Variants in ADNP observed in about 807,000 individuals in gnomAD.
ADNP encodes activity-dependent neuroprotector homeobox protein.
A neutral mutation model predicts 84.9 loss-of-function variants in ADNP; 4 were observed. That is an observed-to-expected ratio of 0.05 (90% CI 0.02 to 0.11). The LOEUF (loss-of-function observed/expected upper bound fraction) is 0.11, where lower values mean the gene tolerates loss of function less well. Ranked by LOEUF, ADNP falls within the 10% of genes least tolerant of loss-of-function variation. The probability of loss-of-function intolerance (pLI) is 1.00; values close to 1 mark genes in which losing one functional copy is unlikely to be tolerated. For synonymous variants in ADNP, 554 were observed against 468.1 expected (o/e 1.18, Z -2.37); for missense variants, 1,132 against 1,326.0 (o/e 0.85, Z 2.27).
chr20:50,906,759 A>T (rs893029855), intron 2 of ADNP, among the ~76,000 whole-genome samples: 1 of 152,184 alleles, frequency 6.6e-6, no homozygotes, highest in Non-Finnish European at 1.5e-5. Context: ...AAGGGAACTT[A>T]GTTGTAAGAA....
chr20:50,920,041 G>GGC (rs1983838783), intron 2 of ADNP, among the ~76,000 whole-genome samples: 2 of 151,838 alleles, frequency 1.3e-5, no homozygotes, highest in Admixed American at 1.3e-4. Context: ...CACTTTGGGA[G>GGC]GCCAAGATGG....
At chr20:50,894,876 G>T (rs60939757) in intron 5 of ADNP, among the ~76,000 whole-genome samples, 3 of 152,030 alleles carry the variant, frequency 2.0e-5, no homozygotes, top group Non-Finnish European at 4.4e-5. Flanking sequence ...CAGCCTGGGC[G>T]ACAAGAGCGA....
chr20:50,894,307 G>A lies in ADNP; in HGVS notation c.407C>T (p.Pro136Leu), dbSNP rs767580124. ...KIFHAPNASA[P>L]SSSLSTFKDK... is the part of the protein sequence containing the mutation. The stretch of plus-strand genomic sequence containing the variant: ...TTTGAAAGTGCTGAGGCTGCTACTT[G>A]GTGCGCTGGCGTTCGGAGCATGAAA... The change falls in exon 6 of 6, where the codon CCA (proline) becomes CTA (leucine). Residue 136 changes from proline (P) to leucine (L), a missense_variant. Coordinates refer to ENST00000621696, the MANE Select transcript of ADNP (RefSeq NM_001282531.3). The A allele has an allele frequency of 1.2e-6, 2 of 1,613,526 alleles. No homozygotes were observed. Among genetic ancestry groups the A allele is most frequent in the Non-Finnish European group, 1.7e-6 (2 of 1,179,876 alleles).
chr20:50,912,937 C>G (rs1983176469), intron 2 of ADNP, among the ~76,000 whole-genome samples: 1 of 151,934 alleles, frequency 6.6e-6, no homozygotes, highest in Non-Finnish European at 1.5e-5. Context: ...CTAGGAATGA[C>G]GCTATTACTA....
chr20:50,906,970 T>G (rs565755273), intron 2 of ADNP, among the ~76,000 whole-genome samples: 1 of 94,006 alleles, frequency 1.1e-5, no homozygotes, highest in East Asian at 3.4e-4. Context: ...CCAGTTTTTT[T>G]TTTTTGTTTT....
chr20:50,918,814 G>GT (rs1487758495), intron 2 of ADNP, among the ~76,000 whole-genome samples: 1 of 152,180 alleles, frequency 6.6e-6, no homozygotes, highest in Non-Finnish European at 1.5e-5. Flanking sequence ...CTTTTGAAAG[G>GT]TAACAGAATG....
chr20:50,900,602 C>T (rs7262676), intron 5 of ADNP, among the ~76,000 whole-genome samples: 4,690 of 152,224 alleles, frequency 0.031, 235 homozygotes, highest in African/African-American at 0.11. Flanking sequence ...TCTTATGGGA[C>T]CACTGTCGTA....
chr20:50,912,397 G>T (rs1257769781), intron 2 of ADNP, among the ~76,000 whole-genome samples: 1 of 152,126 alleles, frequency 6.6e-6, no homozygotes, highest in East Asian at 1.9e-4. Flanking sequence ...TGATCTGCCT[G>T]TCTTGGCCTC....
rs959185101 is a variant in ADNP at position 50,888,992 on chromosome 20, C to T, written c.*2413G>A. ...GGCATTCTCTAATTAGGTGGCAGCA[C>T]GTTGCCATAGCCAACGATCTCCAGA... On this transcript the variant is annotated 3_prime_UTR_variant, in exon 6 of 6. Coordinates refer to ENST00000621696, the MANE Select transcript of ADNP (RefSeq NM_001282531.3). 2.0e-5 allele frequency: 3 copies of T among 152,170 alleles called. No individual in the cohort carries two copies. The highest frequency in any genetic ancestry group is 2.9e-5 in the Non-Finnish European group (2 of 68,048). The allele number at this position is 152,170 out of a possible 1,614,324, so 9.4% of individuals were successfully genotyped here.
At chr20:50,925,893 C>T (rs1372882325) in intron 2 of ADNP, among the ~76,000 whole-genome samples, 1 of 152,202 alleles carries the variant, frequency 6.6e-6, no homozygotes, top group African/African-American at 2.4e-5. Flanking sequence ...CTGAGGTCAG[C>T]AGTTCAAGAC....
Position 50,889,215 on chromosome 20 carries a change from T to A in ADNP, c.*2190A>T, listed in dbSNP as rs1016459553. The A allele has an allele frequency of 6.6e-6, 1 of 152,286 alleles. No individual in the cohort carries two copies. The highest frequency in any genetic ancestry group is 1.9e-4 in the East Asian group (1 of 5,180). 9.4% of individuals were successfully genotyped at this position (152,286 alleles called of 1,614,324 possible). On this transcript the variant is annotated 3_prime_UTR_variant, in exon 6 of 6. Transcript: ENST00000621696. ...ACACTTATCTGTGTCTGTTCCGATATCCAACTGGGACCTGGACCCCAAGCC... is the reference window on the plus strand; with the variant it reads ...ACACTTATCTGTGTCTGTTCCGATAACCAACTGGGACCTGGACCCCAAGCC...
At chr20:50,910,712 T>C (rs1027034212) in intron 2 of ADNP, among the ~76,000 whole-genome samples, 1 of 152,144 alleles carries the variant, frequency 6.6e-6, no homozygotes. Flanking sequence ...TGGAGTGCAG[T>C]GGTATGATCA....
intron 1 of ADNP, 96 bp from the exon 2 acceptor site, chr20:50,928,921 G>A (rs1489979903): frequency 2.6e-5 from 4 of 152,232 alleles, no homozygotes; most frequent in Non-Finnish European, 4.4e-5. Context: ...TTTTGTAAAG[G>A]TGGTTGGCTG....
At chr20:50,922,167 T>C (rs1297056943) in intron 2 of ADNP, among the ~76,000 whole-genome samples, 1 of 152,202 alleles carries the variant, frequency 6.6e-6, no homozygotes, top group Non-Finnish European at 1.5e-5. Context: ...AGTCGTGAAG[T>C]TGTCTTCTGT....
At chr20:50,925,025 T>C (rs1436701689) in intron 2 of ADNP, among the ~76,000 whole-genome samples, 2 of 152,166 alleles carry the variant, frequency 1.3e-5, no homozygotes, top group Non-Finnish European at 2.9e-5. Context: ...TTCCAGGCTT[T>C]CTCTAGCTGC....
In ADNP at chr20:50,919,289, GTGTATATATATA is replaced by G. The variant is rs1227399874; in HGVS notation, c.-90+9350_-90+9361del. ...AGCCTGAAAAAATACATATATTTAA[GTGTATATATATA>G]TATATATATATATATGTAAAAAGCC... On this transcript the variant is annotated intron_variant, in intron 2 of 5. Coordinates refer to ENST00000621696, the MANE Select transcript of ADNP (RefSeq NM_001282531.3). Among the ~76,000 whole-genome samples the G allele has an allele frequency of 5.4e-4, 35 of 64,694 alleles. 1 individual carries two copies. Among genetic ancestry groups the G allele is most frequent in the African/African-American group, 1.9e-3 (34 of 18,154 alleles). The allele number at this position is 64,694 out of a possible 152,430, so 42.4% of individuals were successfully genotyped here.
intron 2 of ADNP, among the ~76,000 whole-genome samples, chr20:50,922,829 C>T (rs973099093): frequency 6.6e-6 from 1 of 152,034 alleles, no homozygotes; most frequent in Non-Finnish European, 1.5e-5. Flanking sequence ...GATTTGCTCG[C>T]CCCCAGCCTC....
chr20:50,895,419 G>A (rs1293419564), intron 5 of ADNP, among the ~76,000 whole-genome samples: 1 of 152,172 alleles, frequency 6.6e-6, no homozygotes, highest in Non-Finnish European at 1.5e-5. Context: ...AAAATACAAT[G>A]TAAAAGATAA....
intron 2 of ADNP, among the ~76,000 whole-genome samples, chr20:50,919,365 G>T (rs1983779801): frequency 1.3e-5 from 2 of 150,190 alleles, no homozygotes; most frequent in Admixed American, 6.6e-5. Flanking sequence ...AGCTACTTGG[G>T]AGGCTGAGGT....
Sources: allele counts gnomAD v4.1 joint callset (sites outside exome capture counted in the v4.1 genomes callset), GRCh38; gene constraint gnomAD v4.1.1; transcripts MANE v1.5; gene names NCBI Gene and HGNC (gene_info 2026-07-23, HGNC 2026-07-21).